Variants in POLR3B observed in about 807,000 individuals in gnomAD.
POLR3B encodes RNA polymerase III subunit B.
A neutral mutation model predicts 147.4 loss-of-function variants in POLR3B; 96 were observed. That is an observed-to-expected ratio of 0.65 (90% CI 0.55 to 0.77). The LOEUF is 0.77. Ranked by LOEUF, POLR3B falls within the 30% of genes least tolerant of loss-of-function variation. The probability of loss-of-function intolerance (pLI) is 0.00; values close to 1 mark genes in which losing one functional copy is unlikely to be tolerated. For synonymous variants in POLR3B, 461 were observed against 485.9 expected, an observed-to-expected ratio of 0.95 and a Z score of 0.67; for missense variants, 1,036 against 1,413.5, an observed-to-expected ratio of 0.73 and a Z score of 4.28.
chr12:106,358,487 C>T (rs2036421627), intron 1 of POLR3B, among the ~76,000 whole-genome samples: 1 of 152,196 alleles, frequency 6.6e-6, no homozygotes, highest in Non-Finnish European at 1.5e-5. Context: ...GGGAGAGACT[C>T]CACAGCTTTC....
chr12:106,506,439 C>T (rs953696221), intron 27 of POLR3B, among the ~76,000 whole-genome samples: 19 of 152,112 alleles, frequency 1.2e-4, no homozygotes, highest in African/African-American at 3.9e-4. Flanking sequence ...ACAGTCAACC[C>T]GATTCACTTA....
intron 22 of POLR3B, among the ~76,000 whole-genome samples, chr12:106,461,473 C>T (rs1281055631): frequency 6.6e-6 from 1 of 152,012 alleles, no homozygotes; most frequent in African/African-American, 2.4e-5. Flanking sequence ...ACCAGCAGTC[C>T]CTGTCTTTGT....
chr12:106,370,244 TC>T (rs990414209), intron 6 of POLR3B, among the ~76,000 whole-genome samples: 11 of 152,194 alleles, frequency 7.2e-5, no homozygotes, highest in Non-Finnish European at 7.4e-5. Context: ...CAAGTGTTTT[TC>T]CCCCTCTCAA....
At chr12:106,477,768 C>G (rs2038197559) in intron 23 of POLR3B, among the ~76,000 whole-genome samples, 1 of 152,254 alleles carries the variant, frequency 6.6e-6, no homozygotes, top group East Asian at 1.9e-4. Flanking sequence ...CTGTCTGGCA[C>G]TCCCTACTGA....
At chr12:106,476,667 G>A (rs1180650390) in intron 23 of POLR3B, among the ~76,000 whole-genome samples, 25 of 148,124 alleles carry the variant, frequency 1.7e-4, no homozygotes, top group Non-Finnish European at 3.4e-4. Flanking sequence ...ATCAGCTCCT[G>A]AGGCTTCTGC....
chr12:106,456,737 C>T (rs1029038165), intron 20 of POLR3B, among the ~76,000 whole-genome samples: 2 of 152,112 alleles, frequency 1.3e-5, no homozygotes, highest in African/African-American at 4.8e-5. Flanking sequence ...TTCTCTAGAC[C>T]TCACTCCTAG....
intron 12 of POLR3B, among the ~76,000 whole-genome samples, chr12:106,423,621 T>A (rs2037399190): frequency 6.6e-6 from 1 of 152,090 alleles, no homozygotes; most frequent in Non-Finnish European, 1.5e-5. Context: ...GAAGAGAGAA[T>A]AAATTTGCCT....
intron 23 of POLR3B, among the ~76,000 whole-genome samples, chr12:106,490,228 A>G (rs1368806104): frequency 6.6e-6 from 1 of 152,228 alleles, no homozygotes; most frequent in Non-Finnish European, 1.5e-5. Flanking sequence ...GTGTAGCCTC[A>G]ACACATTTTA....
chr12:106,435,132 ATT>A (rs71072676), intron 16 of POLR3B, among the ~76,000 whole-genome samples: 16 of 145,296 alleles, frequency 1.1e-4, no homozygotes, highest in East Asian at 2.1e-4. Context: ...CCATTAAATT[ATT>A]TTTTTTTTTT....
In POLR3B at chr12:106,405,539, T is replaced by TAACACAC. The variant is rs752786938; in HGVS notation, c.847-317_847-316insACACACA. 9.1e-5 allele frequency among the ~76,000 whole-genome samples: 13 copies of TAACACAC among 142,700 alleles called. No individual in the cohort carries two copies. The East Asian group carries it at 2.5e-3, about 27-fold the overall frequency. 93.6% of individuals were successfully genotyped at this position (142,700 alleles called of 152,430 possible). A position where few individuals can be genotyped will look rare whatever the true frequency, so the allele number is the denominator to read the frequency against. On this transcript the variant is annotated intron_variant, in intron 10 of 27. Coordinates refer to ENST00000228347, the MANE Select transcript of POLR3B (RefSeq NM_018082.6). ...GAAGGACTGATGGCTGCTATATGTCTACACACACACACACACACACACACA... is the reference window on the plus strand; with the variant it reads ...GAAGGACTGATGGCTGCTATATGTCTAACACACACACACACACACACACACACACACA...
rs149751894 is a variant in POLR3B, at chr12:106,484,907, C to T, written c.2714-11148C>T. On this transcript the variant is annotated intron_variant, in intron 23 of 27. Transcript: ENST00000228347. ...CCAGTCTGGCCAGGCATATGCCTGA[C>T]AAGCAGCACAGTATGAGACTTGGGG... 2.0e-5 allele frequency among the ~76,000 whole-genome samples: 3 copies of T among 151,950 alleles called. 1 individual carries two copies. Among genetic ancestry groups the T allele is most frequent in the African/African-American group, 7.2e-5 (3 of 41,472 alleles).
chr12:106,387,847 C>T (rs1173371552), intron 9 of POLR3B, among the ~76,000 whole-genome samples: 2 of 152,146 alleles, frequency 1.3e-5, no homozygotes, highest in Admixed American at 6.5e-5. Context: ...GAAGAGCAAA[C>T]AGGATCATGT....
At chr12:106,401,117 C>T (rs1431126179) in intron 10 of POLR3B, among the ~76,000 whole-genome samples, 12 of 152,098 alleles carry the variant, frequency 7.9e-5, no homozygotes, top group Middle Eastern at 3.4e-3. Context: ...ATCAAATAGA[C>T]GCAATAAAAA....
At chr12:106,404,667 G>C (rs1017321064) in intron 10 of POLR3B, among the ~76,000 whole-genome samples, 1 of 151,934 alleles carries the variant, frequency 6.6e-6, no homozygotes, top group Non-Finnish European at 1.5e-5. Flanking sequence ...TAACTTCCTT[G>C]TCAGCATTAT....
At chr12:106,440,813 C>T (rs2037640612) in intron 18 of POLR3B, among the ~76,000 whole-genome samples, 1 of 151,782 alleles carries the variant, frequency 6.6e-6, no homozygotes. Flanking sequence ...TATCTTCCCT[C>T]ACTTAGAAGC....
At chr12:106,471,209 T>C (rs7313040) in intron 23 of POLR3B, among the ~76,000 whole-genome samples, 59,715 of 152,008 alleles carry the variant, frequency 0.39, 13,902 homozygotes, top group African/African-American at 0.65. Flanking sequence ...CCATCCCAGG[T>C]TGATCTCAGA....
At chr12:106,412,995 G>C (rs1173900595) in intron 12 of POLR3B, among the ~76,000 whole-genome samples, 2 of 151,986 alleles carry the variant, frequency 1.3e-5, no homozygotes, top group African/African-American at 4.8e-5. Context: ...TCTTGTTGTT[G>C]TTGAGTTGTA....
chr12:106,430,128 G>A (rs980520906), intron 13 of POLR3B, 145 bp from the exon 14 acceptor site: 1 of 742,074 alleles, frequency 1.3e-6, no homozygotes, highest in African/African-American at 1.7e-5. Context: ...CATTTTAATT[G>A]TGACACTTTG....
At chr12:106,492,174 C>A (rs576683258) in intron 23 of POLR3B, among the ~76,000 whole-genome samples, 61 of 150,278 alleles carry the variant, frequency 4.1e-4, no homozygotes, top group Non-Finnish European at 7.7e-4. Context: ...TTTTTTTTTC[C>A]TGCTTAAGAT....
Sources: gnomAD v4.1 joint callset for allele counts (sites outside exome capture counted in the v4.1 genomes callset) on GRCh38, gnomAD v4.1.1 for gene constraint, MANE v1.5 for transcripts, NCBI Gene and HGNC (gene_info 2026-07-23, HGNC 2026-07-21) for gene names.